PLCB1: variants seen among roughly 807,000 people sequenced by gnomAD.
The protein encoded by PLCB1 is phospholipase C beta 1.
In PLCB1, 46 loss-of-function variants were observed where a neutral mutation model predicts 161.8. That is an observed-to-expected ratio of 0.28 (90% CI 0.22 to 0.36). The LOEUF is 0.36. Ranked by LOEUF, PLCB1 falls within the 10% of genes least tolerant of loss-of-function variation. The pLI, the probability that PLCB1 is intolerant of heterozygous loss-of-function variation, is 1.00. For missense variants in PLCB1, 1,016 were observed against 1,472.5 expected, an observed-to-expected ratio of 0.69 and a Z score of 5.07; for synonymous variants, 517 against 503.7, an observed-to-expected ratio of 1.03 and a Z score of -0.35.
At position 8,272,599 on chromosome 20, in the gene PLCB1, T is replaced by A. The variant is rs191080279; in HGVS notation, c.178-98783T>A. The stretch of plus-strand genomic sequence containing the variant: ...AAGAAGTATATTTAGCCAATTGACC[T>A]CGAGTATACCCACATTAGAAAACTA... On this transcript the variant is annotated intron_variant, in intron 2 of 31. Coordinates refer to ENST00000338037, the MANE Select transcript of PLCB1 (RefSeq NM_015192.4). 1.2e-4 allele frequency among the ~76,000 whole-genome samples: 19 copies of A among 152,096 alleles called. No homozygotes were observed. In the East Asian group the frequency reaches 3.5e-3, roughly 28 times the overall value.
intron 3 of PLCB1, among the ~76,000 whole-genome samples, chr20:8,438,224 A>T (rs1273129638): frequency 6.6e-6 from 1 of 152,206 alleles, no homozygotes; most frequent in African/African-American, 2.4e-5. Context: ...GAATATCCGT[A>T]TATAAAAGTA....
chr20:8,195,638 A>AT (rs2052014853), intron 2 of PLCB1, among the ~76,000 whole-genome samples: 1 of 152,200 alleles, frequency 6.6e-6, no homozygotes, highest in East Asian at 1.9e-4. Context: ...CAACTGATGG[A>AT]TTTTTTATTC....
intron 3 of PLCB1, among the ~76,000 whole-genome samples, chr20:8,426,178 A>G (rs536224680): frequency 2.1e-4 from 32 of 152,354 alleles, no homozygotes; most frequent in African/African-American, 7.0e-4. Flanking sequence ...AAAATGAAAC[A>G]TAGCACAGCC....
At chr20:8,203,139 G>A (rs890519284) in intron 2 of PLCB1, among the ~76,000 whole-genome samples, 5 of 151,966 alleles carry the variant, frequency 3.3e-5, no homozygotes, top group Admixed American at 2.6e-4. Context: ...GCAGTGGCAT[G>A]GAGGATCATT....
intron 2 of PLCB1, among the ~76,000 whole-genome samples, chr20:8,346,800 G>C (rs1317661681): frequency 6.6e-6 from 1 of 152,132 alleles, no homozygotes; most frequent in Admixed American, 6.5e-5. Flanking sequence ...CAAATAGTAG[G>C]AGTTATGTCT....
intron 3 of PLCB1, among the ~76,000 whole-genome samples, chr20:8,554,917 A>G: frequency 6.6e-6 from 1 of 152,116 alleles, no homozygotes; most frequent in Non-Finnish European, 1.5e-5. Context: ...GTACTTTTGC[A>G]TTTAAGAAAA....
chr20:8,514,998 A>G lies in PLCB1; in HGVS notation c.247-113296A>G, dbSNP rs557698139. ...TGGCCTACACACTACTCTTTGAGTA[A>G]TAAGGTCTTAGATTAAAGTGGACTT... On this transcript the variant is annotated intron_variant, in intron 3 of 31. Transcript: ENST00000338037. Among the ~76,000 whole-genome samples, 4 of 152,338 alleles carry G rather than the reference A, an allele frequency of 2.6e-5. No individual in the cohort carries two copies. In the South Asian group the frequency reaches 8.3e-4, roughly 32 times the overall value.
intron 3 of PLCB1, among the ~76,000 whole-genome samples, chr20:8,453,233 G>A (rs575073598): frequency 6.6e-6 from 1 of 152,320 alleles, no homozygotes; most frequent in African/African-American, 2.4e-5. Context: ...TATCACCAAA[G>A]TGTCCCATGG....
intron 12 of PLCB1, among the ~76,000 whole-genome samples, chr20:8,713,828 C>T (rs16995137): frequency 0.089 from 13,597 of 152,106 alleles, 752 homozygotes; most frequent in Middle Eastern, 0.17. Flanking sequence ...TCAGGTGATT[C>T]CTTAGTGGAA....
chr20:8,260,589 A>C, intron 2 of PLCB1, among the ~76,000 whole-genome samples: 1 of 151,996 alleles, frequency 6.6e-6, no homozygotes, highest in East Asian at 1.9e-4. Flanking sequence ...GTATTCTTAG[A>C]TTCTGTCCAA....
chr20:8,427,038 A>C (rs929893381), intron 3 of PLCB1, among the ~76,000 whole-genome samples: 1 of 151,990 alleles, frequency 6.6e-6, no homozygotes, highest in African/African-American at 2.4e-5. Flanking sequence ...CAGCCTCTCA[A>C]GTAACTGGGA....
intron 2 of PLCB1, among the ~76,000 whole-genome samples, chr20:8,241,988 C>T (rs1271619186): frequency 6.6e-6 from 1 of 151,918 alleles, no homozygotes; most frequent in Non-Finnish European, 1.5e-5. Flanking sequence ...CTCTGTTCAA[C>T]TGGCTTTGGG....
At chr20:8,873,562 A>G (rs1987677921) in intron 31 of PLCB1, among the ~76,000 whole-genome samples, 1 of 152,118 alleles carries the variant, frequency 6.6e-6, no homozygotes, top group Non-Finnish European at 1.5e-5. Flanking sequence ...ACATTACCAT[A>G]AAAGTGAGAA....
At chr20:8,170,637 G>T (rs944995524) in intron 2 of PLCB1, among the ~76,000 whole-genome samples, 1 of 151,924 alleles carries the variant, frequency 6.6e-6, no homozygotes, top group African/African-American at 2.4e-5. Context: ...ATATTGAAAG[G>T]GTATATACTT....
At chr20:8,398,971 AT>A (rs1181618084) in intron 3 of PLCB1, among the ~76,000 whole-genome samples, 2 of 146,660 alleles carry the variant, frequency 1.4e-5, no homozygotes, top group African/African-American at 5.1e-5. Flanking sequence ...TTTTGTTTTT[AT>A]TTTTATCTAG....
chr20:8,513,404 G>A lies in PLCB1; in HGVS notation c.247-114890G>A, dbSNP rs148259755. The stretch of plus-strand genomic sequence containing the variant: ...AAAGCAATCTATGAAGTGACAACAC[G>A]ACACAGTGAACACTGTTTTCATGGT... On this transcript the variant is annotated intron_variant, in intron 3 of 31. Coordinates refer to ENST00000338037, the MANE Select transcript of PLCB1 (RefSeq NM_015192.4). Among the ~76,000 whole-genome samples the A allele has an allele frequency of 1.4e-4, 22 of 152,294 alleles. No individual in the cohort carries two copies. In the East Asian group the frequency reaches 2.9e-3, roughly 20 times the overall value.
intron 2 of PLCB1, among the ~76,000 whole-genome samples, chr20:8,318,890 T>C (rs1984779247): frequency 6.6e-6 from 1 of 152,072 alleles, no homozygotes; most frequent in Non-Finnish European, 1.5e-5. Context: ...AAAGTGAGAG[T>C]AGTCATCCCT....
At chr20:8,288,557 G>A (rs929821612) in intron 2 of PLCB1, among the ~76,000 whole-genome samples, 1 of 152,196 alleles carries the variant, frequency 6.6e-6, no homozygotes, top group Non-Finnish European at 1.5e-5. Context: ...GAGCTGTCCT[G>A]CAGAATGTCA....
At chr20:8,414,204 A>C (rs1448933954) in intron 3 of PLCB1, among the ~76,000 whole-genome samples, 1 of 152,206 alleles carries the variant, frequency 6.6e-6, no homozygotes, top group Non-Finnish European at 1.5e-5. Flanking sequence ...GTCATACTAA[A>C]AAATGAGTGG....
Sources: gnomAD v4.1 joint callset for allele counts (sites outside exome capture counted in the v4.1 genomes callset) on GRCh38, gnomAD v4.1.1 for gene constraint, MANE v1.5 for transcripts, NCBI Gene and HGNC (gene_info 2026-07-23, HGNC 2026-07-21) for gene names.